Variants in DLGAP2 observed in about 807,000 individuals in gnomAD.
The protein encoded by DLGAP2 is disks large-associated protein 2.
DLGAP2 carries 26 observed loss-of-function variants against 100.3 expected under a neutral mutation model. That is an observed-to-expected ratio of 0.26 (90% CI 0.19 to 0.36). DLGAP2 has a LOEUF of 0.36. Ranked by LOEUF, DLGAP2 falls within the 10% of genes least tolerant of loss-of-function variation. DLGAP2 has a pLI of 1.00. For missense variants in DLGAP2, 1,858 were observed against 1,453.2 expected, an observed-to-expected ratio of 1.28 and a Z score of -4.53; for synonymous variants, 886 against 630.1, an observed-to-expected ratio of 1.41 and a Z score of -6.08.
At chr8:1,614,503 G>A (rs1281459650) in intron 6 of DLGAP2, among the ~76,000 whole-genome samples, 1 of 152,214 alleles carries the variant, frequency 6.6e-6, no homozygotes, top group Non-Finnish European at 1.5e-5. Context: ...ACCCCGCTTT[G>A]TGTTGCCAGC....
chr8:770,783 G>A (rs1379736877), intron 1 of DLGAP2, among the ~76,000 whole-genome samples: 1 of 152,102 alleles, frequency 6.6e-6, no homozygotes, highest in Non-Finnish European at 1.5e-5. Context: ...GCATCACACA[G>A]TTATATACTG....
chr8:1,482,711 G>A (rs1438799421), intron 3 of DLGAP2, among the ~76,000 whole-genome samples: 1 of 152,228 alleles, frequency 6.6e-6, no homozygotes, highest in African/African-American at 2.4e-5. Flanking sequence ...CCTGACCTGG[G>A]ATGCGCTTCC....
At chr8:1,210,416 C>A (rs556951929) in intron 2 of DLGAP2, among the ~76,000 whole-genome samples, 2 of 152,158 alleles carry the variant, frequency 1.3e-5, no homozygotes, top group Non-Finnish European at 2.9e-5. Context: ...GAGGGCTGAC[C>A]CTGTTAAAGA....
chr8:1,425,904 A>C (rs1365911249), intron 3 of DLGAP2, among the ~76,000 whole-genome samples: 1 of 152,182 alleles, frequency 6.6e-6, no homozygotes, highest in Non-Finnish European at 1.5e-5. Flanking sequence ...CAGGGAAGAA[A>C]GGAGACTGGG....
At chr8:1,340,732 G>C (rs1338925259) in intron 3 of DLGAP2, among the ~76,000 whole-genome samples, 1 of 152,182 alleles carries the variant, frequency 6.6e-6, no homozygotes, top group Non-Finnish European at 1.5e-5. Flanking sequence ...AGTGGGTATA[G>C]ACCCAAAGGA....
rs747539392 is a variant in DLGAP2, at chr8:790,279, A to G, written c.18+52454A>G. ...CACCATGCATTTCAAGGGAAATAAT[A>G]GAAGGGTTTGCCTGGGCTGTGCAGG... On this transcript the variant is annotated intron_variant, in intron 1 of 14. Coordinates refer to ENST00000637795, the MANE Select transcript of DLGAP2 (RefSeq NM_001346810.2). 2.0e-5 allele frequency among the ~76,000 whole-genome samples: 3 copies of G among 152,218 alleles called. No homozygotes were observed. In the South Asian group the frequency reaches 6.2e-4, roughly 32 times the overall value.
intron 2 of DLGAP2, among the ~76,000 whole-genome samples, chr8:916,624 T>G (rs1308338693): frequency 6.6e-6 from 1 of 152,176 alleles, no homozygotes; most frequent in African/African-American, 2.4e-5. Flanking sequence ...ACCTGCACGT[T>G]GTGCACATGT....
intron 2 of DLGAP2, among the ~76,000 whole-genome samples, chr8:1,134,034 C>T (rs1307148139): frequency 1.3e-5 from 2 of 151,668 alleles, no homozygotes; most frequent in Non-Finnish European, 2.9e-5. Context: ...GGATGTTGGT[C>T]CCCTTTATGC....
intron 1 of DLGAP2, among the ~76,000 whole-genome samples, chr8:864,613 G>A (rs1027343977): frequency 1.3e-5 from 2 of 152,090 alleles, no homozygotes; most frequent in Admixed American, 6.6e-5. Context: ...ATTCACTTCC[G>A]CTCAAATGAC....
chr8:1,319,269 G>T (rs971481034), intron 3 of DLGAP2, among the ~76,000 whole-genome samples: 2 of 152,146 alleles, frequency 1.3e-5, no homozygotes, highest in Non-Finnish European at 2.9e-5. Context: ...TGTTACCACC[G>T]CCTCTGCCAC....
rs763044890 is a variant in DLGAP2, at chr8:1,371,052, T to A, written c.106+112169T>A. On this transcript the variant is annotated intron_variant, in intron 3 of 14. Coordinates refer to ENST00000637795, the MANE Select transcript of DLGAP2 (RefSeq NM_001346810.2). The stretch of plus-strand genomic sequence containing the variant: ...TCGTGTAATATGATTGCATTAATTG[T>A]CATTGGAAGCAGCCCTGGCTGAGGC... Among the ~76,000 whole-genome samples, 23 of 152,246 alleles carry A rather than the reference T, an allele frequency of 1.5e-4. 1 individual carries two copies. The highest frequency in any genetic ancestry group is 9.2e-4 in the Admixed American group (14 of 15,286).
At chr8:1,159,490 T>C (rs989280741) in intron 2 of DLGAP2, among the ~76,000 whole-genome samples, 2 of 152,226 alleles carry the variant, frequency 1.3e-5, no homozygotes, top group Non-Finnish European at 2.9e-5. Flanking sequence ...TATGGAGCAT[T>C]GCACTTGGTT....
chr8:925,711 A>G (rs971349520), intron 2 of DLGAP2, among the ~76,000 whole-genome samples: 2 of 152,126 alleles, frequency 1.3e-5, no homozygotes, highest in Admixed American at 6.5e-5. Flanking sequence ...ATCTGTGTGA[A>G]TAGAAGGAGA....
intron 2 of DLGAP2, among the ~76,000 whole-genome samples, chr8:1,172,298 T>C (rs865884865): frequency 1.1e-4 from 17 of 152,204 alleles, no homozygotes; most frequent in African/African-American, 3.9e-4. Flanking sequence ...CCGACCTTTC[T>C]CTCTGGCTCT....
At chr8:1,487,260 C>A (rs979467133) in intron 3 of DLGAP2, among the ~76,000 whole-genome samples, 2 of 151,862 alleles carry the variant, frequency 1.3e-5, no homozygotes, top group African/African-American at 2.4e-5. Flanking sequence ...TTATTAATAC[C>A]CAGAGTGGAA....
At chr8:1,296,236 T>G (rs548413536) in intron 3 of DLGAP2, 134 of 152,244 alleles carry the variant, frequency 8.8e-4, no homozygotes, top group African/African-American at 2.9e-3. Context: ...ATCAAGGACA[T>G]AAATTCAGCA....
intron 3 of DLGAP2, among the ~76,000 whole-genome samples, chr8:1,413,854 C>T (rs556857362): frequency 7.9e-5 from 12 of 152,234 alleles, no homozygotes; most frequent in South Asian, 6.2e-4. Flanking sequence ...AGAAGAGGCA[C>T]GTGCAGATGC....
At chr8:962,433 G>C (rs1799747658) in intron 2 of DLGAP2, among the ~76,000 whole-genome samples, 2 of 152,200 alleles carry the variant, frequency 1.3e-5, no homozygotes, top group Non-Finnish European at 2.9e-5. Flanking sequence ...TTTGGAGTCA[G>C]TGTCCAGGAG....
chr8:1,315,059 C>A (rs936162183), intron 3 of DLGAP2, among the ~76,000 whole-genome samples: 1 of 152,164 alleles, frequency 6.6e-6, no homozygotes, highest in Non-Finnish European at 1.5e-5. Flanking sequence ...TTCTAAGTGA[C>A]GCTTTTTTAC....
Sources: gnomAD v4.1 joint callset for allele counts (sites outside exome capture counted in the v4.1 genomes callset) on GRCh38, gnomAD v4.1.1 for gene constraint, MANE v1.5 for transcripts, NCBI Gene and HGNC (gene_info 2026-07-23, HGNC 2026-07-21) for gene names.